Variants in USP8 observed in about 807,000 individuals in gnomAD.
The protein encoded by USP8 is ubiquitin carboxyl-terminal hydrolase 8.
Under a neutral mutation model 130.0 loss-of-function variants are expected in USP8, and 27 were observed. That is an observed-to-expected ratio of 0.21 (90% CI 0.15 to 0.29). USP8 has a LOEUF of 0.29. USP8 is among the 10% of genes least tolerant of loss of function. The pLI is 1.00. For missense variants in USP8, 1,029 were observed against 1,312.2 expected, an observed-to-expected ratio of 0.78 and a Z score of 3.33; for synonymous variants, 392 against 444.1, an observed-to-expected ratio of 0.88 and a Z score of 1.48.
rs2052696562 is a variant in USP8 at position 50,508,733 on chromosome 15, C to G, written c.*9645C>G. The G allele has an allele frequency of 6.6e-6, 1 of 152,132 alleles. No homozygotes were observed. Among genetic ancestry groups the G allele is most frequent in the South Asian group, 2.1e-4 (1 of 4,830 alleles). The allele number at this position is 152,132 out of a possible 1,614,324, so 9.4% of individuals were successfully genotyped here. A position where few individuals can be genotyped will look rare whatever the true frequency, so the allele number is the denominator to read the frequency against. On this transcript the variant is annotated 3_prime_UTR_variant, in exon 20 of 20. Transcript: ENST00000307179. Reference sequence around the variant, plus strand: ...TGGATGTTAGCCTGCCACAGTGGTTCATGCCTATAATCCCTGCACTTTGGG... The same window carrying G: ...TGGATGTTAGCCTGCCACAGTGGTTGATGCCTATAATCCCTGCACTTTGGG...
chr15:50,431,495 T>C (rs2049931636), intron 1 of USP8, among the ~76,000 whole-genome samples: 1 of 151,496 alleles, frequency 6.6e-6, no homozygotes, highest in Non-Finnish European at 1.5e-5. Flanking sequence ...TTAGTCAACA[T>C]TTTTTTTTCC....
intron 16 of USP8, among the ~76,000 whole-genome samples, chr15:50,495,083 G>T (rs1053406789): frequency 2.0e-5 from 3 of 150,662 alleles, no homozygotes; most frequent in Admixed American, 6.6e-5. Flanking sequence ...TATTATAAAG[G>T]CATGTATGTA....
At chr15:50,448,175 G>A (rs998641792) in intron 3 of USP8, among the ~76,000 whole-genome samples, 2 of 152,118 alleles carry the variant, frequency 1.3e-5, no homozygotes, top group African/African-American at 4.8e-5. Flanking sequence ...AGCTCTTCAT[G>A]ACTGAGAGCC....
chr15:50,497,896 T>C (rs2052478681), intron 18 of USP8, among the ~76,000 whole-genome samples: 1 of 152,198 alleles, frequency 6.6e-6, no homozygotes, highest in South Asian at 2.1e-4. Context: ...GTTAAAAATG[T>C]TTTATCTTGT....
In USP8 at chr15:50,439,070, C is replaced by A; in HGVS notation, c.-4C>A. On this transcript the variant is annotated 5_prime_UTR_variant, in exon 2 of 20. Transcript: ENST00000307179. ...TGAAAGTGGAAAAGTAAAGATAATT[C>A]ATCATGCCTGCTGTGGCTTCAGTTC... is the stretch of plus-strand genomic sequence containing the variant. 2 of 1,603,826 alleles carry A rather than the reference C, an allele frequency of 1.2e-6. No homozygotes were observed. Among genetic ancestry groups the A allele is most frequent in the South Asian group, 1.1e-5 (1 of 90,040 alleles).
At chr15:50,431,494 AT>A (rs377007583) in intron 1 of USP8, among the ~76,000 whole-genome samples, 1 of 151,206 alleles carries the variant, frequency 6.6e-6, no homozygotes, top group Non-Finnish European at 1.5e-5. Context: ...GTTAGTCAAC[AT>A]TTTTTTTTCC....
chr15:50,493,744 T>C, intron 15 of USP8: 1 of 402,632 alleles, frequency 2.5e-6, no homozygotes, highest in Non-Finnish European at 4.7e-6. Flanking sequence ...TGAGACCCTA[T>C]CTCAAAAAAG....
chr15:50,453,020 A>G (rs1253770379), intron 4 of USP8, among the ~76,000 whole-genome samples: 1 of 152,202 alleles, frequency 6.6e-6, no homozygotes, highest in East Asian at 1.9e-4. Flanking sequence ...TGAGATAGGC[A>G]GGAAAGTGGT....
chr15:50,439,249 A>G (rs546475221), intron 2 of USP8, 72 bp downstream of exon 2: 2 of 982,408 alleles, frequency 2.0e-6, no homozygotes, highest in East Asian at 5.5e-5. Context: ...TTAAAGTTAG[A>G]TGAATGTTAA....
intron 7 of USP8, among the ~76,000 whole-genome samples, chr15:50,470,923 C>A (rs1405083026): frequency 1.3e-5 from 2 of 152,090 alleles, no homozygotes; most frequent in South Asian, 2.1e-4. Flanking sequence ...TGTGAGCAAA[C>A]GATGATGTGA....
chr15:50,495,840 A>C lies in USP8; in HGVS notation c.2659-8A>C. On this transcript the variant is annotated splice_polypyrimidine_tract_variant and splice_region_variant and intron_variant, in intron 16 of 19. Transcript: ENST00000307179. The stretch of plus-strand genomic sequence containing the variant: ...ATTAATATAGAGCTTAAATCATTTT[A>C]TTTCCAGGCTGATAATCGGAAGAGA... 1 of 1,599,996 alleles carries C rather than the reference A, an allele frequency of 6.3e-7. No individual in the cohort carries two copies. The highest frequency in any genetic ancestry group is 8.5e-7 in the Non-Finnish European group (1 of 1,169,874).
At chr15:50,471,880 A>C in intron 8 of USP8, 85 bp downstream of exon 8, 1 of 1,440,346 alleles carries the variant, frequency 6.9e-7, no homozygotes, top group Non-Finnish European at 9.5e-7. Context: ...GTTTATCTTA[A>C]ATACTAAAAG....
At chr15:50,426,297 G>C (rs1366731163) in intron 1 of USP8, among the ~76,000 whole-genome samples, 1 of 152,120 alleles carries the variant, frequency 6.6e-6, no homozygotes, top group Non-Finnish European at 1.5e-5. Flanking sequence ...GGAAAAAAAT[G>C]TCTTCAGGTA....
At chr15:50,464,341 T>C (rs906698819) in intron 6 of USP8, among the ~76,000 whole-genome samples, 5 of 152,222 alleles carry the variant, frequency 3.3e-5, no homozygotes, top group Non-Finnish European at 7.3e-5. Flanking sequence ...ATTTAGAACT[T>C]TTCCAGAATT....
intron 1 of USP8, 21 bp downstream of exon 1, chr15:50,424,535 C>G: frequency 2.5e-6 from 1 of 398,666 alleles, no homozygotes. Flanking sequence ...GTCTTGGGCC[C>G]TAGCACCTGT....
intron 4 of USP8, among the ~76,000 whole-genome samples, chr15:50,454,403 GT>G (rs778614945): frequency 5.3e-4 from 78 of 147,168 alleles, no homozygotes; most frequent in Non-Finnish European, 9.3e-4. Context: ...ATTTTGTTTT[GT>G]TTTGTTTTAA....
intron 1 of USP8, chr15:50,432,633 A>C (rs2049967566): frequency 6.6e-6 from 1 of 152,232 alleles, no homozygotes. Flanking sequence ...TGAGACTTTC[A>C]TACTTTTTTT....
At position 50,508,054 on chromosome 15, in the gene USP8, T is replaced by TGCAA. The variant is rs1753685206; in HGVS notation, c.*8968_*8971dup. ...CAGTGCACTCTAGCCCGGGCGACAG[T>TGCAA]GCAAGACTCTGTCTCAAAAAAAAAA... On this transcript the variant is annotated 3_prime_UTR_variant, in exon 20 of 20. Coordinates refer to ENST00000307179, the MANE Select transcript of USP8 (RefSeq NM_005154.5). 1 of 115,602 alleles carries TGCAA rather than the reference T, an allele frequency of 8.7e-6. No individual in the cohort carries two copies. Among genetic ancestry groups the TGCAA allele is most frequent in the African/African-American group, 3.5e-5 (1 of 28,400 alleles). 7.2% of individuals were successfully genotyped at this position (115,602 alleles called of 1,614,324 possible). A position where few individuals can be genotyped will look rare whatever the true frequency, so the allele number is the denominator to read the frequency against.
chr15:50,505,444 G>A lies in USP8; in HGVS notation c.*6356G>A, dbSNP rs2052645576. ...CTAGTTATCATCCAAGAATGAAAGT[G>A]AATTAAAGACTTCTCAAAGACTGAG... On this transcript the variant is annotated 3_prime_UTR_variant, in exon 20 of 20. Transcript: ENST00000307179. The A allele has an allele frequency of 6.6e-6, 1 of 152,134 alleles. No homozygotes were observed. Among genetic ancestry groups the A allele is most frequent in the Non-Finnish European group, 1.5e-5 (1 of 68,030 alleles). The allele number at this position is 152,134 out of a possible 1,614,324, so 9.4% of individuals were successfully genotyped here. A position where few individuals can be genotyped will look rare whatever the true frequency, so the allele number is the denominator to read the frequency against.
Sources: gnomAD v4.1 joint callset for allele counts (sites outside exome capture counted in the v4.1 genomes callset) on GRCh38, gnomAD v4.1.1 for gene constraint, MANE v1.5 for transcripts, NCBI Gene and HGNC (gene_info 2026-07-23, HGNC 2026-07-21) for gene names.